Variants in LANCL2 observed in about 807,000 individuals in gnomAD.
LANCL2 encodes the protein lanC-like protein 2.
Under a neutral mutation model 56.9 loss-of-function variants are expected in LANCL2, and 33 were observed. The observed-to-expected ratio is 0.58, with a 90% confidence interval of 0.44 to 0.78. LANCL2 has a LOEUF of 0.78. Among genes scored for constraint, LANCL2 ranks in the 30% least tolerant of loss-of-function variants. LANCL2 has a pLI of 0.00. For missense variants in LANCL2, 562 were observed against 580.2 expected (o/e 0.97, Z 0.32); for synonymous variants, 233 against 228.2 (o/e 1.02, Z -0.19).
intron 6 of LANCL2, among the ~76,000 whole-genome samples, chr7:55,416,969 GTTTTTTTTTT>G (rs869116156): frequency 1.2e-5 from 1 of 81,658 alleles, no homozygotes; most frequent in Non-Finnish European, 2.4e-5. Context: ...AAACGAGGTG[GTTTTTTTTTT>G]TTTTTTTTTT....
At chr7:55,374,755 C>T (rs1789982213) in intron 1 of LANCL2, among the ~76,000 whole-genome samples, 2 of 152,166 alleles carry the variant, frequency 1.3e-5, no homozygotes, top group Non-Finnish European at 2.9e-5. Flanking sequence ...CCAACCCATA[C>T]CCCTCAGCAG....
At chr7:55,374,552 C>T (rs1201306390) in intron 1 of LANCL2, among the ~76,000 whole-genome samples, 1 of 152,202 alleles carries the variant, frequency 6.6e-6, no homozygotes, top group Non-Finnish European at 1.5e-5. Flanking sequence ...TTCCCCACCC[C>T]TGCCTGCTTT....
intron 3 of LANCL2, 47 bp from the exon 4 acceptor site, chr7:55,399,910 T>C: frequency 6.5e-7 from 1 of 1,528,730 alleles, no homozygotes; most frequent in Non-Finnish European, 9.0e-7. Flanking sequence ...CAGGAAGAAG[T>C]ACTTTAGACT....
At chr7:55,383,853 T>C (rs1365690313) in intron 1 of LANCL2, among the ~76,000 whole-genome samples, 2 of 152,142 alleles carry the variant, frequency 1.3e-5, no homozygotes, top group Non-Finnish European at 2.9e-5. Context: ...TATATATATG[T>C]GTAATAAAAT....
chr7:55,428,942 A>G (rs984621217), intron 8 of LANCL2, among the ~76,000 whole-genome samples: 12 of 152,220 alleles, frequency 7.9e-5, no homozygotes, highest in Admixed American at 5.9e-4. Context: ...AGTGAAAGCA[A>G]CAAGGATTCC....
Position 55,379,882 on chromosome 7 carries a change from A to G in LANCL2, c.205-11911A>G, listed in dbSNP as rs149748644. ...TGTGTTTGTCCAGTTAACTCATAAT[A>G]TCACCTTTAAGGTGGGTGAAATATT... On this transcript the variant is annotated intron_variant, in intron 1 of 8. Transcript: ENST00000254770. 144 of 152,328 alleles carry G rather than the reference A, an allele frequency of 9.5e-4. 1 individual carries two copies. The highest frequency in any genetic ancestry group is 3.4e-3 in the African/African-American group (141 of 41,582). The allele number at this position is 152,328 out of a possible 1,614,324, so 9.4% of individuals were successfully genotyped here.
At chr7:55,410,869 A>G (rs1463180835) in intron 5 of LANCL2, among the ~76,000 whole-genome samples, 1 of 151,794 alleles carries the variant, frequency 6.6e-6, no homozygotes, top group Non-Finnish European at 1.5e-5. Flanking sequence ...GTCATGTGCT[A>G]ATGTGTCACC....
chr7:55,411,585 A>G (rs913396318), intron 5 of LANCL2, among the ~76,000 whole-genome samples: 8 of 152,226 alleles, frequency 5.3e-5, no homozygotes, highest in African/African-American at 1.9e-4. Context: ...GAAATCAAGT[A>G]TTGGTATTTT....
At position 55,376,372 on chromosome 7, in the gene LANCL2, C is replaced by T. The variant is rs142207151; in HGVS notation, c.204+10143C>T. ...ATGGGGCTCAGGATCCACCAGACTC[C>T]GCATGGACAGCCCTGCAAAGCAAGC... is the stretch of plus-strand genomic sequence containing the variant. On this transcript the variant is annotated intron_variant, in intron 1 of 8. Coordinates refer to ENST00000254770, the MANE Select transcript of LANCL2 (RefSeq NM_018697.4). 5.2e-3 allele frequency among the ~76,000 whole-genome samples: 791 copies of T among 152,262 alleles called. 9 individuals are homozygous for T. The highest frequency in any genetic ancestry group is 0.031 in the Middle Eastern group (9 of 294).
intron 5 of LANCL2, among the ~76,000 whole-genome samples, chr7:55,406,117 G>A (rs1191658095): frequency 3.9e-5 from 6 of 152,206 alleles, no homozygotes; most frequent in African/African-American, 1.4e-4. Flanking sequence ...GTGGCCGAAT[G>A]TATGTGTCGG....
chr7:55,430,782 A>G (rs2128997089), intron 8 of LANCL2, among the ~76,000 whole-genome samples: 1 of 152,290 alleles, frequency 6.6e-6, no homozygotes, highest in East Asian at 1.9e-4. Context: ...CCCACTGCTC[A>G]ATTACTGCAA....
intron 6 of LANCL2, among the ~76,000 whole-genome samples, chr7:55,420,011 G>A (rs1351514494): frequency 2.6e-5 from 4 of 152,016 alleles, no homozygotes; most frequent in African/African-American, 9.7e-5. Context: ...AATTATCTGG[G>A]CATGGTGGTG....
rs139407100 is a variant in LANCL2, at chr7:55,429,468, G to C, written c.1258+1021G>C. Among the ~76,000 whole-genome samples, 540 of 152,292 alleles carry C rather than the reference G, an allele frequency of 3.5e-3. 10 individuals are homozygous for C. The highest frequency in any genetic ancestry group is 8.9e-3 in the East Asian group (46 of 5,192). ...TGAAATGCAAATATGTAAGCTATTG[G>C]TATTCCTTATCATCCTCTGTCTGCA... is the stretch of plus-strand genomic sequence containing the variant. On this transcript the variant is annotated intron_variant, in intron 8 of 8. Coordinates refer to ENST00000254770, the MANE Select transcript of LANCL2 (RefSeq NM_018697.4).
intron 5 of LANCL2, among the ~76,000 whole-genome samples, chr7:55,403,172 C>T (rs1408749884): frequency 2.0e-5 from 3 of 152,266 alleles, no homozygotes; most frequent in Non-Finnish European, 2.9e-5. Context: ...TGAGTGAACG[C>T]GACTCCGTCT....
chr7:55,380,625 C>T (rs549729269), intron 1 of LANCL2, among the ~76,000 whole-genome samples: 1 of 151,808 alleles, frequency 6.6e-6, no homozygotes, highest in East Asian at 1.9e-4. Context: ...TGTTACAGTG[C>T]GTGATTGGAG....
Position 55,394,500 on chromosome 7 carries a change from C to A in LANCL2, c.322+2590C>A, listed in dbSNP as rs1790226765. 2.0e-5 allele frequency among the ~76,000 whole-genome samples: 3 copies of A among 152,194 alleles called. 1 individual carries two copies. The South Asian group carries it at 6.2e-4, about 32-fold the overall frequency. On this transcript the variant is annotated intron_variant, in intron 2 of 8. Coordinates refer to ENST00000254770, the MANE Select transcript of LANCL2 (RefSeq NM_018697.4). ...GCTCAAGCCCAGGAGGTCGAGGCTG[C>A]AGTGAGCCATGATTACACTGCTGCA...
chr7:55,369,584 T>C (rs888613399), intron 1 of LANCL2, among the ~76,000 whole-genome samples: 3 of 152,202 alleles, frequency 2.0e-5, no homozygotes, highest in Admixed American at 2.0e-4. Context: ...CAGACACTCT[T>C]AGTTACTCAT....
In LANCL2 at chr7:55,368,921, G is replaced by A. The variant is rs533968651; in HGVS notation, c.204+2692G>A. ...GCACTTTGGGAGGTTGAGGCAGGAG[G>A]ATCACTTGAGGGCAGGAGTTCAAGA... is the stretch of plus-strand genomic sequence containing the variant. On this transcript the variant is annotated intron_variant, in intron 1 of 8. Coordinates refer to ENST00000254770, the MANE Select transcript of LANCL2 (RefSeq NM_018697.4). Among the ~76,000 whole-genome samples the A allele has an allele frequency of 2.6e-5, 4 of 152,198 alleles. No homozygotes were observed. The South Asian group carries it at 8.3e-4, about 32-fold the overall frequency.
chr7:55,384,701 A>G (rs1265742323), intron 1 of LANCL2, among the ~76,000 whole-genome samples: 5 of 152,234 alleles, frequency 3.3e-5, no homozygotes, highest in African/African-American at 1.2e-4. Context: ...CATTATATAT[A>G]GGGAATTTTA....
Sources: allele counts gnomAD v4.1 joint callset (sites outside exome capture counted in the v4.1 genomes callset), GRCh38; gene constraint gnomAD v4.1.1; transcripts MANE v1.5; gene names NCBI Gene and HGNC (gene_info 2026-07-23, HGNC 2026-07-21).